The following ATP11A variants were observed in gnomAD, a reference collection of about 807,000 sequenced individuals.
ATP11A encodes the protein ATPase phospholipid transporting 11A.
Under a neutral mutation model 154.4 loss-of-function variants are expected in ATP11A, and 81 were observed. The observed-to-expected ratio is 0.52, with a 90% CI of 0.44 to 0.63. The LOEUF (loss-of-function observed/expected upper bound fraction) is 0.63, where lower values mean the gene tolerates loss of function less well. Among genes scored for constraint, ATP11A ranks in the 30% least tolerant of loss-of-function variants. The pLI is 0.00. For missense variants in ATP11A, 1,316 were observed against 1,474.3 expected (o/e 0.89, Z 1.76); for synonymous variants, 623 against 585.9 (o/e 1.06, Z -0.91).
At chr13:112,721,535 G>A (rs1201266789) in intron 1 of ATP11A, among the ~76,000 whole-genome samples, 1 of 152,162 alleles carries the variant, frequency 6.6e-6, no homozygotes, top group African/African-American at 2.4e-5. Flanking sequence ...ACAGCTTCCC[G>A]TGTTCTTGGA....
chr13:112,858,369 T>C, intron 22 of ATP11A, 79 bp downstream of exon 22: 2 of 1,447,254 alleles, frequency 1.4e-6, no homozygotes, highest in Non-Finnish European at 1.9e-6. Context: ...CTGAGCCACT[T>C]GATGCCACAA....
rs1234234387 is a variant in ATP11A at position 112,875,595 on chromosome 13, T to C, written c.3162-181T>C. On this transcript the variant is annotated intron_variant, in intron 27 of 29. Coordinates refer to ENST00000375645, the MANE Select transcript of ATP11A (RefSeq NM_015205.3). This position sits in a 1 kb window ranked among gnomAD's most constrained non-coding sequence, Gnocchi z 4.1. ...TTCTCCCGTTCCTCTTACCCCAGCATTACCGGGAGGTTCAGTGTTCATTTT... is the reference window on the plus strand; with the variant it reads ...TTCTCCCGTTCCTCTTACCCCAGCACTACCGGGAGGTTCAGTGTTCATTTT... 6.6e-6 allele frequency among the ~76,000 whole-genome samples: 1 copy of C among 151,648 alleles called. No homozygotes were observed. The highest frequency in any genetic ancestry group is 1.5e-5 in the Non-Finnish European group (1 of 67,962).
intron 29 of ATP11A, among the ~76,000 whole-genome samples, chr13:112,879,866 GTATATGT>G (rs1472132354): frequency 6.6e-6 from 1 of 152,220 alleles, no homozygotes; most frequent in Non-Finnish European, 1.5e-5. Context: ...GGCCTCAGAT[GTATATGT>G]TATATATGTG....
In ATP11A at chr13:112,832,957, G is replaced by A. The variant is rs1277484092; in HGVS notation, c.1493G>A (p.Gly498Glu). Residue 498 changes from glycine to glutamate, a missense_variant, in exon 14 of 30, where the codon GGG becomes GAG. Gly to Glu is a moderately conservative substitution (Grantham distance 98). This residue lies in a region of ATP11A where 876 missense variants were observed against 1,006.8 expected (regional missense o/e 0.87). Coordinates refer to ENST00000375645, the MANE Select transcript of ATP11A (RefSeq NM_015205.3). ...GACGGCCCCAGGAAATCGCCGGACG[G>A]GGGGAAATCCTGTGTGTACATCTCA... ...SVDGPRKSPD[G>E]GKSCVYISSS... 4 of 1,613,926 alleles carry A rather than the reference G, an allele frequency of 2.5e-6. No homozygotes were observed. Among genetic ancestry groups the A allele is most frequent in the South Asian group, 1.1e-5 (1 of 91,062 alleles).
At chr13:112,793,103 G>A (rs1294868564) in intron 2 of ATP11A, among the ~76,000 whole-genome samples, 2 of 152,218 alleles carry the variant, frequency 1.3e-5, no homozygotes, top group East Asian at 1.9e-4. Flanking sequence ...CCATGAGGAA[G>A]CTGAGGCTTA....
At chr13:112,795,321 A>C (rs566641632) in intron 2 of ATP11A, among the ~76,000 whole-genome samples, 2 of 152,350 alleles carry the variant, frequency 1.3e-5, no homozygotes, top group African/African-American at 2.4e-5. Flanking sequence ...GTAGATCTGC[A>C]TGTTTGGAAG....
At chr13:112,819,809 G>A (rs370986423) in intron 7 of ATP11A, 91 bp from the exon 8 acceptor site, 6 of 1,369,312 alleles carry the variant, frequency 4.4e-6, no homozygotes, top group East Asian at 2.3e-5. Context: ...AGGTGAAGAC[G>A]TGTGGCTCAC....
chr13:112,744,738 A>T (rs1347673535), intron 1 of ATP11A, among the ~76,000 whole-genome samples: 1 of 152,170 alleles, frequency 6.6e-6, no homozygotes, highest in Non-Finnish European at 1.5e-5. Flanking sequence ...CTGGTGTGTA[A>T]AGCACAGAGT....
chr13:112,854,565 C>T (rs1369361651), intron 19 of ATP11A, 35 bp downstream of exon 19: 1 of 1,585,834 alleles, frequency 6.3e-7, no homozygotes, highest in Non-Finnish European at 8.5e-7. Context: ...CCCCCACACT[C>T]CCGCAAAAGG....
intron 4 of ATP11A, among the ~76,000 whole-genome samples, chr13:112,809,411 G>A (rs1246275414): frequency 3.3e-5 from 5 of 152,200 alleles, no homozygotes; most frequent in African/African-American, 1.2e-4. Context: ...GGAGACTCCA[G>A]TCACAGGGCC....
intron 1 of ATP11A, among the ~76,000 whole-genome samples, chr13:112,719,144 A>G (rs1221711453): frequency 1.3e-5 from 2 of 151,846 alleles, no homozygotes; most frequent in Non-Finnish European, 2.9e-5. Flanking sequence ...GGCCCTCAGG[A>G]TGCCCTGTGA....
chr13:112,827,698 G>A (rs906453285), intron 12 of ATP11A, among the ~76,000 whole-genome samples: 3 of 152,206 alleles, frequency 2.0e-5, no homozygotes, highest in African/African-American at 4.8e-5. Flanking sequence ...GGATATTTTA[G>A]CAAACAAGGC....
chr13:112,848,880 G>T (rs899020774), intron 17 of ATP11A, among the ~76,000 whole-genome samples: 4 of 152,164 alleles, frequency 2.6e-5, no homozygotes, highest in Admixed American at 2.0e-4. Flanking sequence ...TAGAGATGGG[G>T]TTTCACCACG....
chr13:112,810,830 G>C, intron 5 of ATP11A, 104 bp downstream of exon 5: 1 of 966,486 alleles, frequency 1.0e-6, no homozygotes, highest in Non-Finnish European at 1.6e-6. Flanking sequence ...CAGCTACTCA[G>C]GAGGCTGAGG....
rs2076759121 is a variant in ATP11A, at chr13:112,754,062, C to T, written c.40-31073C>T. Among the ~76,000 whole-genome samples, 2 of 152,168 alleles carry T rather than the reference C, an allele frequency of 1.3e-5. No individual in the cohort carries two copies. Among genetic ancestry groups the T allele is most frequent in the Non-Finnish European group, 2.9e-5 (2 of 68,034 alleles). ...GGCGTCGCTGTCTCACCGTGGTCCCCAGTGTTTTGGGATTGAGGAGGGGTT... is the reference window on the plus strand; with the variant it reads ...GGCGTCGCTGTCTCACCGTGGTCCCTAGTGTTTTGGGATTGAGGAGGGGTT... On this transcript the variant is annotated intron_variant, in intron 1 of 29. Coordinates refer to ENST00000375645, the MANE Select transcript of ATP11A (RefSeq NM_015205.3). This position sits in a 1 kb window ranked among gnomAD's most constrained non-coding sequence, Gnocchi z 5.3.
chr13:112,832,568 C>T (rs1448767525), intron 13 of ATP11A, among the ~76,000 whole-genome samples: 1 of 152,124 alleles, frequency 6.6e-6, no homozygotes, highest in Non-Finnish European at 1.5e-5. Flanking sequence ...CTAGCGGTCA[C>T]TTGCCATTTC....
chr13:112,845,588 T>A (rs112989877), intron 17 of ATP11A, among the ~76,000 whole-genome samples: 134 of 79,250 alleles, frequency 1.7e-3, no homozygotes, highest in African/African-American at 6.8e-3. Context: ...CACTAGTGGT[T>A]CTAACCAGTC....
intron 25 of ATP11A, among the ~76,000 whole-genome samples, chr13:112,864,543 C>T (rs377551478): frequency 8.8e-5 from 6 of 68,046 alleles, no homozygotes; most frequent in African/African-American, 3.7e-4. Flanking sequence ...TCACCACCTG[C>T]GCAGTAATTC....
chr13:112,799,962 C>G (rs956440715), intron 2 of ATP11A, among the ~76,000 whole-genome samples: 2 of 152,072 alleles, frequency 1.3e-5, no homozygotes, highest in Admixed American at 1.3e-4. Context: ...AAAGAAGTCT[C>G]AAGAGGCATA....
Sources: allele counts gnomAD v4.1 joint callset (sites outside exome capture counted in the v4.1 genomes callset), GRCh38; gene constraint gnomAD v4.1.1; regional missense constraint gnomAD v4.1.1; non-coding constraint Gnocchi (gnomAD v3.1); transcripts MANE v1.5; gene names NCBI Gene and HGNC (gene_info 2026-07-23, HGNC 2026-07-21).